The following GNAO1 variants were observed in gnomAD, a reference collection of about 807,000 sequenced individuals.
GNAO1 encodes the protein guanine nucleotide-binding protein G(o) subunit alpha.
For missense variants in GNAO1, 166 were observed against 478.7 expected, an observed-to-expected ratio of 0.35 and a Z score of 6.10; for synonymous variants, 164 against 180.7, an observed-to-expected ratio of 0.91 and a Z score of 0.74.
chr16:56,203,514 G>A (rs991745258), intron 2 of GNAO1, among the ~76,000 whole-genome samples: 14 of 152,196 alleles, frequency 9.2e-5, no homozygotes, highest in South Asian at 2.1e-4. Flanking sequence ...AGGAGGAAGC[G>A]TGCTTATCAT....
intron 3 of GNAO1, among the ~76,000 whole-genome samples, chr16:56,316,053 C>G (rs1489233157): frequency 1.3e-5 from 2 of 151,524 alleles, no homozygotes; most frequent in African/African-American, 4.9e-5. Context: ...AAGTGAGACT[C>G]TGACTCAAAA....
chr16:56,305,812 T>C (rs2143594753), intron 3 of GNAO1, among the ~76,000 whole-genome samples: 1 of 152,320 alleles, frequency 6.6e-6, no homozygotes, highest in Middle Eastern at 3.4e-3. Context: ...CCTTGGCTTG[T>C]AGATGGCTGT....
chr16:56,333,761 G>A (rs1845706564), intron 4 of GNAO1, among the ~76,000 whole-genome samples: 1 of 152,256 alleles, frequency 6.6e-6, no homozygotes, highest in African/African-American at 2.4e-5. Context: ...AGGTCCTGGA[G>A]CAGATGCAGC....
In GNAO1 at chr16:56,207,060, C is replaced by T. The variant is rs1024728395; in HGVS notation, c.161+14444C>T. Among the ~76,000 whole-genome samples the T allele has an allele frequency of 2.0e-5, 3 of 152,368 alleles. No individual in the cohort carries two copies. In the East Asian group the frequency reaches 5.8e-4, roughly 29 times the overall value. On this transcript the variant is annotated intron_variant, in intron 2 of 8. Coordinates refer to ENST00000262493, the MANE Select transcript of GNAO1 (RefSeq NM_020988.3). ...ATTACTCTCCTTACATTTAAGTAGTCTTTAACATTTGCAAGCAATTCATGA... is the reference window on the plus strand; with the variant it reads ...ATTACTCTCCTTACATTTAAGTAGTTTTTAACATTTGCAAGCAATTCATGA...
At chr16:56,336,950 C>T in intron 6 of GNAO1, 90 bp downstream of exon 6, 1 of 1,277,044 alleles carries the variant, frequency 7.8e-7, no homozygotes, top group South Asian at 1.3e-5. Context: ...CCTCGGGTGC[C>T]CACAATGGCT....
intron 2 of GNAO1, among the ~76,000 whole-genome samples, chr16:56,256,716 CTCTGTGTGTGTG>C (rs1213263873): frequency 5.2e-4 from 47 of 90,362 alleles, no homozygotes; most frequent in South Asian, 8.2e-4. Context: ...CTCTCTCTCT[CTCTGTGTGTGTG>C]TGTGTGTGTG....
intron 3 of GNAO1, among the ~76,000 whole-genome samples, chr16:56,323,540 G>A (rs1435329863): frequency 2.0e-5 from 3 of 152,014 alleles, no homozygotes; most frequent in Non-Finnish European, 2.9e-5. Flanking sequence ...TTAGGAAAGA[G>A]GGAATGAGAG....
At chr16:56,337,515 AG>A (rs2037754580) in intron 6 of GNAO1, among the ~76,000 whole-genome samples, 1 of 152,192 alleles carries the variant, frequency 6.6e-6, no homozygotes, top group African/African-American at 2.4e-5. Flanking sequence ...GGCCTCAGTG[AG>A]GGGACATTCC....
chr16:56,254,426 C>G (rs1481566722), intron 2 of GNAO1, among the ~76,000 whole-genome samples: 1 of 152,190 alleles, frequency 6.6e-6, no homozygotes, highest in Admixed American at 6.5e-5. Context: ...TCACAAACAT[C>G]TGTATCCTCT....
chr16:56,287,724 C>T (rs938792398), intron 3 of GNAO1, among the ~76,000 whole-genome samples: 1 of 152,230 alleles, frequency 6.6e-6, no homozygotes, highest in Non-Finnish European at 1.5e-5. Context: ...GCTGTCCCTT[C>T]TGATTTCAGG....
intron 2 of GNAO1, among the ~76,000 whole-genome samples, chr16:56,250,558 T>TC (rs1184458907): frequency 1.3e-5 from 2 of 152,200 alleles, no homozygotes; most frequent in Non-Finnish European, 2.9e-5. Context: ...TGAGTATCAG[T>TC]CATCCTGCTT....
chr16:56,295,250 C>T (rs2037274213), intron 3 of GNAO1, among the ~76,000 whole-genome samples: 1 of 152,122 alleles, frequency 6.6e-6, no homozygotes, highest in Non-Finnish European at 1.5e-5. Flanking sequence ...AGAGGTTGAA[C>T]TTGTGGACTC....
chr16:56,323,733 AAAG>A (rs540161619), intron 3 of GNAO1, among the ~76,000 whole-genome samples: 1 of 151,824 alleles, frequency 6.6e-6, no homozygotes, highest in Non-Finnish European at 1.5e-5. Flanking sequence ...TTCTTTTTGT[AAAG>A]AAGAAGGGGA....
rs544437131 is a variant in GNAO1 at position 56,310,215 on chromosome 16, G to A, written c.304-18416G>A. ...TTGTGGTGTGCTCCCGTAGTCCTAG[G>A]TACTCGCAGGAGGCTGAGGCAGGAG... On this transcript the variant is annotated intron_variant, in intron 3 of 8. Transcript: ENST00000262493. Among the ~76,000 whole-genome samples the A allele has an allele frequency of 7.2e-5, 11 of 152,230 alleles. No homozygotes were observed. In the East Asian group the frequency reaches 1.9e-3, roughly 27 times the overall value.
At chr16:56,287,649 G>A (rs952726939) in intron 3 of GNAO1, among the ~76,000 whole-genome samples, 1 of 152,162 alleles carries the variant, frequency 6.6e-6, no homozygotes, top group African/African-American at 2.4e-5. Flanking sequence ...CAGAGCAAAG[G>A]GTTGGTGTCA....
chr16:56,244,349 A>G (rs1468754377), intron 2 of GNAO1, among the ~76,000 whole-genome samples: 1 of 150,470 alleles, frequency 6.6e-6, no homozygotes, highest in Non-Finnish European at 1.5e-5. Flanking sequence ...ATGCTGGTCT[A>G]TGGATAACAC....
At chr16:56,301,371 C>T (rs553697183) in intron 3 of GNAO1, among the ~76,000 whole-genome samples, 4 of 152,292 alleles carry the variant, frequency 2.6e-5, no homozygotes, top group Admixed American at 1.3e-4. Flanking sequence ...GTGGGGGAGC[C>T]GGAAGCACAG....
At chr16:56,217,310 A>G (rs1370843873) in intron 2 of GNAO1, among the ~76,000 whole-genome samples, 7 of 152,246 alleles carry the variant, frequency 4.6e-5, no homozygotes, top group African/African-American at 1.7e-4. Flanking sequence ...TGTTCAATCC[A>G]AGGTGATTGC....
intron 5 of GNAO1, among the ~76,000 whole-genome samples, chr16:56,335,463 G>C (rs145310678): frequency 1.3e-5 from 2 of 152,178 alleles, no homozygotes; most frequent in Non-Finnish European, 2.9e-5. Context: ...AGTAACATGC[G>C]TGCACTGAGG....
Sources: gnomAD v4.1 joint callset for allele counts (sites outside exome capture counted in the v4.1 genomes callset) on GRCh38, gnomAD v4.1.1 for gene constraint, MANE v1.5 for transcripts, NCBI Gene and HGNC (gene_info 2026-07-23, HGNC 2026-07-21) for gene names.